CSGALNACT1: variants seen among roughly 807,000 people sequenced by gnomAD.
CSGALNACT1 encodes the protein beta4GalNAcT-1.
Under a neutral mutation model 51.0 loss-of-function variants are expected in CSGALNACT1, and 52 were observed. The ratio of observed to expected loss-of-function variants is 1.02; its 90% confidence interval spans 0.82 to 1.29. The LOEUF (loss-of-function observed/expected upper bound fraction) is 1.29. Ranked by LOEUF, CSGALNACT1 falls within the 50% of genes most tolerant of loss-of-function variation. CSGALNACT1 has a pLI of 0.00. For synonymous variants in CSGALNACT1, 341 were observed against 254.4 expected (o/e 1.34, Z -3.24); for missense variants, 935 against 679.2 (o/e 1.38, Z -4.19).
At chr8:19,486,145 A>G (rs1466664990) in intron 4 of CSGALNACT1, among the ~76,000 whole-genome samples, 1 of 152,052 alleles carries the variant, frequency 6.6e-6, no homozygotes, top group Non-Finnish European at 1.5e-5. Flanking sequence ...AAACAAAAAA[A>G]ACAGCCACAG....
upstream of CSGALNACT1, among the ~76,000 whole-genome samples, chr8:19,686,111 A>G (rs1217805272): frequency 6.6e-6 from 1 of 152,162 alleles, no homozygotes; most frequent in Non-Finnish European, 1.5e-5. Flanking sequence ...TCTCCAGTGA[A>G]TCAACCTTGG....
chr8:19,686,656 C>T (rs1427648422), upstream of CSGALNACT1, among the ~76,000 whole-genome samples: 2 of 152,208 alleles, frequency 1.3e-5, no homozygotes, highest in African/African-American at 4.8e-5. Context: ...AACTTCAATT[C>T]CTCTGCAAAC....
At chr8:19,684,526 G>A (rs1396615887), upstream of CSGALNACT1, among the ~76,000 whole-genome samples, 2 of 152,000 alleles carry the variant, frequency 1.3e-5, no homozygotes. Context: ...ATAACCCCAG[G>A]GCTCTCAGTT....
chr8:19,476,324 T>C (rs986867926), intron 4 of CSGALNACT1, among the ~76,000 whole-genome samples: 3 of 152,150 alleles, frequency 2.0e-5, no homozygotes, highest in African/African-American at 7.2e-5. Context: ...CTGCAATCTC[T>C]GCCTTCCGAG....
chr8:19,657,420 G>T (rs2058381812), intron 1 of CSGALNACT1, among the ~76,000 whole-genome samples: 1 of 152,134 alleles, frequency 6.6e-6, no homozygotes, highest in African/African-American at 2.4e-5. Context: ...ATATTTTCTA[G>T]AATTGACAAA....
In CSGALNACT1 at chr8:19,639,977, G is replaced by A. The variant is rs572599462; in HGVS notation, c.-543-38112C>T. 2.0e-5 allele frequency among the ~76,000 whole-genome samples: 3 copies of A among 151,000 alleles called. No homozygotes were observed. The East Asian group carries it at 5.8e-4, about 29-fold the overall frequency. On this transcript the variant is annotated intron_variant, in intron 1 of 9. Coordinates refer to the CSGALNACT1 transcript ENST00000332246. ...GTCCATTGCAGCCCAGACCTCCCTG[G>A]GCTCAGGTGATTCTCCCACCTCGGC...
chr8:19,611,962 T>C (rs1023325341), intron 1 of CSGALNACT1, among the ~76,000 whole-genome samples: 2 of 152,042 alleles, frequency 1.3e-5, no homozygotes, highest in Admixed American at 1.3e-4. Flanking sequence ...TTTGAACTAA[T>C]TGATTAATTC....
intron 1 of CSGALNACT1, among the ~76,000 whole-genome samples, chr8:19,730,775 C>T (rs1307595523): frequency 1.3e-5 from 2 of 152,162 alleles, no homozygotes; most frequent in Non-Finnish European, 2.9e-5. Context: ...TTTAATAAGT[C>T]CCTGGTATTT....
chr8:19,407,168 A>T (rs1278456960), intron 9 of CSGALNACT1, among the ~76,000 whole-genome samples: 1 of 151,640 alleles, frequency 6.6e-6, no homozygotes, highest in African/African-American at 2.4e-5. Flanking sequence ...TGCTCCTTCC[A>T]ACAGGACTTG....
intron 6 of CSGALNACT1, among the ~76,000 whole-genome samples, chr8:19,439,243 G>A (rs2060904511): frequency 6.6e-6 from 1 of 152,240 alleles, no homozygotes; most frequent in South Asian, 2.1e-4. Context: ...AGGTATAAAT[G>A]TACAACTGGA....
intron 1 of CSGALNACT1, among the ~76,000 whole-genome samples, chr8:19,689,171 G>A (rs2061147745): frequency 1.3e-5 from 2 of 152,142 alleles, no homozygotes; most frequent in South Asian, 2.1e-4. Flanking sequence ...GCGATGCCAT[G>A]TGCCTTCCAA....
At chr8:19,636,196 T>G (rs563911687) in intron 1 of CSGALNACT1, among the ~76,000 whole-genome samples, 154 of 152,170 alleles carry the variant, frequency 1.0e-3, no homozygotes, top group African/African-American at 3.5e-3. Context: ...TTGAGAGAGT[T>G]AGAGAGAGAG....
At chr8:19,651,790 T>C (rs2057825380) in intron 1 of CSGALNACT1, among the ~76,000 whole-genome samples, 1 of 152,236 alleles carries the variant, frequency 6.6e-6, no homozygotes. Context: ...AGTAATGAGA[T>C]TACTGGGTTA....
intron 4 of CSGALNACT1, among the ~76,000 whole-genome samples, chr8:19,493,293 T>A (rs1163056377): frequency 6.6e-6 from 1 of 152,200 alleles, no homozygotes; most frequent in African/African-American, 2.4e-5. Context: ...TTCCACTCTT[T>A]TTTGGGGGAG....
intron 1 of CSGALNACT1, among the ~76,000 whole-genome samples, chr8:19,652,462 C>G (rs1441325995): frequency 6.6e-6 from 1 of 152,214 alleles, no homozygotes; most frequent in Admixed American, 6.5e-5. Context: ...TCCATCCCTT[C>G]TAATTCACTA....
intron 1 of CSGALNACT1, among the ~76,000 whole-genome samples, chr8:19,653,797 TAAA>T (rs111466105): frequency 1.4e-5 from 2 of 147,844 alleles, no homozygotes; most frequent in Non-Finnish European, 3.0e-5. Flanking sequence ...TACCTTGTCT[TAAA>T]AAAAAAAAAA....
intron 3 of CSGALNACT1, among the ~76,000 whole-genome samples, chr8:19,571,912 T>C (rs577709723): frequency 1.3e-5 from 2 of 152,248 alleles, no homozygotes; most frequent in Non-Finnish European, 2.9e-5. Flanking sequence ...AAAGATAAGA[T>C]GGATTTATTT....
At chr8:19,561,659 G>A (rs531188928) in intron 3 of CSGALNACT1, among the ~76,000 whole-genome samples, 1 of 152,336 alleles carries the variant, frequency 6.6e-6, no homozygotes, top group South Asian at 2.1e-4. Flanking sequence ...CAAGTACATG[G>A]CAGAAGGGGC....
intron 1 of CSGALNACT1, among the ~76,000 whole-genome samples, chr8:19,629,184 G>T (rs1355478449): frequency 1.3e-5 from 2 of 152,178 alleles, no homozygotes; most frequent in African/African-American, 4.8e-5. Context: ...ACAAATGAAA[G>T]AGACTTAAAT....
Sources: gnomAD v4.1 joint callset for allele counts (sites outside exome capture counted in the v4.1 genomes callset) on GRCh38, gnomAD v4.1.1 for gene constraint, MANE v1.5 for transcripts, NCBI Gene and HGNC (gene_info 2026-07-23, HGNC 2026-07-21) for gene names.